Variants in CHMP5 observed in about 807,000 individuals in gnomAD.
CHMP5 encodes charged multivesicular body protein 5, also known as SNF7 domain containing 2.
In CHMP5, 17 loss-of-function variants were observed where a neutral mutation model predicts 33.0. The ratio of observed to expected loss-of-function variants is 0.52; its 90% CI spans 0.35 to 0.77. The LOEUF (loss-of-function observed/expected upper bound fraction) is 0.77. CHMP5 is among the 30% of genes least tolerant of loss of function. The pLI is 0.01. For synonymous variants in CHMP5, 76 were observed against 90.2 expected, an observed-to-expected ratio of 0.84 and a Z score of 0.89; for missense variants, 216 against 261.5, an observed-to-expected ratio of 0.83 and a Z score of 1.20.
chr9:33,273,315 A>AAATGC (rs1423311307), intron 5 of CHMP5, among the ~76,000 whole-genome samples: 1 of 152,150 alleles, frequency 6.6e-6, no homozygotes, highest in African/African-American at 2.4e-5. Flanking sequence ...AAATATAATG[A>AAATGC]AATGCAATGG....
At chr9:33,266,166 C>T in intron 2 of CHMP5, 52 bp downstream of exon 2, 1 of 1,264,054 alleles carries the variant, frequency 7.9e-7, no homozygotes, top group South Asian at 1.2e-5. Flanking sequence ...CTAGTTTTAG[C>T]ACCTATAGAA....
intron 1 of CHMP5, 48 bp downstream of exon 1, chr9:33,265,195 CG>C: frequency 6.3e-7 from 1 of 1,575,496 alleles, no homozygotes; most frequent in Non-Finnish European, 8.7e-7. Flanking sequence ...CTGACACACC[CG>C]ACCCCGCCCA....
chr9:33,265,562 C>G (rs1416359074), intron 1 of CHMP5, among the ~76,000 whole-genome samples: 3 of 152,212 alleles, frequency 2.0e-5, no homozygotes, highest in African/African-American at 7.2e-5. Context: ...GTGCCTTCGT[C>G]CTGGATCTCA....
chr9:33,278,012 C>CTT (rs1820875444), intron 6 of CHMP5, 101 bp from the exon 7 acceptor site: 2 of 721,162 alleles, frequency 2.8e-6, no homozygotes, highest in South Asian at 3.3e-5. Flanking sequence ...CTCATGCCCT[C>CTT]TTCACTGCCT....
intron 7 of CHMP5, among the ~76,000 whole-genome samples, chr9:33,278,708 A>T (rs1820885102): frequency 1.3e-5 from 2 of 151,976 alleles, no homozygotes; most frequent in Non-Finnish European, 2.9e-5. Context: ...TTAATAATTT[A>T]AGCATAAAAC....
At chr9:33,265,411 C>G (rs994686752) in intron 1 of CHMP5, among the ~76,000 whole-genome samples, 8 of 152,220 alleles carry the variant, frequency 5.3e-5, no homozygotes, top group Admixed American at 2.6e-4. Context: ...TCCACTCGCT[C>G]TCGCCTTGAT....
intron 3 of CHMP5, among the ~76,000 whole-genome samples, chr9:33,269,224 G>T (rs1039973102): frequency 6.6e-6 from 1 of 152,206 alleles, no homozygotes; most frequent in Non-Finnish European, 1.5e-5. Flanking sequence ...AACACCTGGG[G>T]CTGGGCACAG....
intron 6 of CHMP5, 49 bp from the exon 7 acceptor site, chr9:33,278,064 C>T (rs757611974): frequency 2.8e-5 from 34 of 1,206,710 alleles, no homozygotes; most frequent in Admixed American, 1.3e-4. Context: ...TATTAGCTGC[C>T]AGTTTTCTTG....
intron 5 of CHMP5, among the ~76,000 whole-genome samples, chr9:33,273,323 T>C (rs1820817054): frequency 2.0e-5 from 3 of 152,000 alleles, no homozygotes; most frequent in Admixed American, 2.0e-4. Context: ...TGAAATGCAA[T>C]GGTATTTTCT....
chr9:33,273,868 A>T (rs1222543868), intron 5 of CHMP5, among the ~76,000 whole-genome samples: 1 of 151,872 alleles, frequency 6.6e-6, no homozygotes, highest in Admixed American at 6.6e-5. Flanking sequence ...GATGTGTAAT[A>T]CTATTGTATA....
chr9:33,269,157 T>G (rs1219273741), intron 3 of CHMP5, among the ~76,000 whole-genome samples: 1 of 152,196 alleles, frequency 6.6e-6, no homozygotes, highest in Non-Finnish European at 1.5e-5. Flanking sequence ...TAAAAACATT[T>G]TGAACACCAC....
chr9:33,276,286 T>A (rs978840270), intron 5 of CHMP5, among the ~76,000 whole-genome samples, 170 bp from the exon 6 acceptor site: 1 of 152,178 alleles, frequency 6.6e-6, no homozygotes. Flanking sequence ...AAGACTGGGA[T>A]AGGGGAGGTG....
At position 33,267,325 on chromosome 9, in the gene CHMP5, A is replaced by T. The variant is rs537197369; in HGVS notation, c.175-528A>T. 3.0e-3 allele frequency among the ~76,000 whole-genome samples: 462 copies of T among 152,362 alleles called. 1 individual carries two copies. The highest frequency in any genetic ancestry group is 4.9e-3 in the Non-Finnish European group (331 of 68,032). On this transcript the variant is annotated intron_variant, in intron 2 of 7. Transcript: ENST00000223500. ...AAAGCCCAAACCATGGTGGTAGGAA[A>T]CCAAAGAATCAGTTTGAAAGTGAGT...
chr9:33,278,368 C>G (rs982431724), intron 7 of CHMP5, 143 bp downstream of exon 7: 23 of 584,726 alleles, frequency 3.9e-5, no homozygotes, highest in Non-Finnish European at 6.7e-5. Flanking sequence ...CCTTGAAGGT[C>G]CGGTTTTTCT....
chr9:33,279,014 C>A (rs746936530), intron 7 of CHMP5, among the ~76,000 whole-genome samples: 3 of 152,128 alleles, frequency 2.0e-5, no homozygotes, highest in Non-Finnish European at 4.4e-5. Context: ...ACCTCCGCCC[C>A]CCTGGTTCAA....
chr9:33,271,665 G>C (rs1362619015), intron 5 of CHMP5, among the ~76,000 whole-genome samples: 1 of 152,180 alleles, frequency 6.6e-6, no homozygotes, highest in Non-Finnish European at 1.5e-5. Context: ...GGTAGGCTAG[G>C]CTAAGTGATG....
At chr9:33,278,781 A>G (rs981679447) in intron 7 of CHMP5, among the ~76,000 whole-genome samples, 2 of 152,206 alleles carry the variant, frequency 1.3e-5, no homozygotes, top group African/African-American at 4.8e-5. Flanking sequence ...AAGTATGACT[A>G]ATTACTTAGC....
rs993179079 is a variant in CHMP5, at chr9:33,281,936, A to G, written c.*1077A>G. The G allele has an allele frequency of 6.6e-6, 1 of 152,212 alleles. No homozygotes were observed. The highest frequency in any genetic ancestry group is 1.5e-5 in the Non-Finnish European group (1 of 68,052). 9.4% of individuals were successfully genotyped at this position (152,212 alleles called of 1,614,324 possible). ...CTGCCCAATTTCAGGGTCTTTAATG[A>G]TCCTGTCCTCCCTTCCTCATTCAAC... On this transcript the variant is annotated 3_prime_UTR_variant, in exon 8 of 8. Transcript: ENST00000223500.
In CHMP5 at chr9:33,280,944, G is replaced by T; in HGVS notation, c.*85G>T. On this transcript the variant is annotated 3_prime_UTR_variant, in exon 8 of 8. Transcript: ENST00000223500. Reference sequence around the variant, plus strand: ...TTATCTTTCCAAATTTGCCATAACAGATTTAGGTTTCTTTCCTTTCTTTGA... The same window carrying T: ...TTATCTTTCCAAATTTGCCATAACATATTTAGGTTTCTTTCCTTTCTTTGA... The T allele has an allele frequency of 8.5e-7, 1 of 1,170,840 alleles. No homozygotes were observed. Among genetic ancestry groups the T allele is most frequent in the Non-Finnish European group, 1.2e-6 (1 of 825,162 alleles). The allele number at this position is 1,170,840 out of a possible 1,614,324, so 72.5% of individuals were successfully genotyped here.
Sources: allele counts gnomAD v4.1 joint callset (sites outside exome capture counted in the v4.1 genomes callset), GRCh38; gene constraint gnomAD v4.1.1; transcripts MANE v1.5; gene names NCBI Gene and HGNC (gene_info 2026-07-23, HGNC 2026-07-21).